The following RP1 variants were observed in gnomAD, a reference collection of about 807,000 sequenced individuals.
RP1 encodes the protein RP1 axonemal microtubule associated.
RP1 carries 16 observed loss-of-function variants against 14.8 expected under a neutral mutation model. That is an observed-to-expected ratio of 1.08 (90% CI 0.73 to 1.65). RP1 has a LOEUF of 1.65. Ranked by LOEUF, RP1 falls within the 40% of genes most tolerant of loss-of-function variation. RP1 has a pLI of 0.00. For missense variants in RP1, 2,631 were observed against 2,535.0 expected, an observed-to-expected ratio of 1.04 and a Z score of -0.81; for synonymous variants, 876 against 883.6, an observed-to-expected ratio of 0.99 and a Z score of 0.15.
intron 3 of RP1, among the ~76,000 whole-genome samples, chr8:54,648,662 A>G (rs1806596456): frequency 6.6e-6 from 1 of 152,176 alleles, no homozygotes; most frequent in Non-Finnish European, 1.5e-5. Context: ...TTTTTTGTCA[A>G]AATACTGGGA....
chr8:54,604,463 C>T (rs1289606079), intron 1 of RP1, among the ~76,000 whole-genome samples: 1 of 152,166 alleles, frequency 6.6e-6, no homozygotes, highest in Admixed American at 6.5e-5. Flanking sequence ...AGGATTTTTG[C>T]ATCGATGTTC....
Position 54,677,323 on chromosome 8 carries a change from G to A in RP1, c.1403-1138G>A, listed in dbSNP as rs181160704. Reference sequence around the variant, plus strand: ...TGATGCAGATGCATGCTAAGTTTGGGAACCACTGATCTAGGGAACTGTGAA... The same window carrying A: ...TGATGCAGATGCATGCTAAGTTTGGAAACCACTGATCTAGGGAACTGTGAA... On this transcript the variant is annotated intron_variant, in intron 8 of 22. Coordinates refer to the RP1 transcript ENST00000636932. 5.3e-5 allele frequency among the ~76,000 whole-genome samples: 8 copies of A among 152,126 alleles called. No homozygotes were observed. The East Asian group carries it at 1.5e-3, about 29-fold the overall frequency.
rs1446599645 is a variant in RP1 at position 54,630,487 on chromosome 8, C to T, written c.*134C>T. The T allele has an allele frequency of 6.8e-7, 1 of 1,477,960 alleles. No homozygotes were observed. The highest frequency in any genetic ancestry group is 1.4e-5 in the South Asian group (1 of 70,828). The allele number at this position is 1,477,960 out of a possible 1,614,324, so 91.6% of individuals were successfully genotyped here. A position where few individuals can be genotyped will look rare whatever the true frequency, so the allele number is the denominator to read the frequency against. ...AATGAACTTACTCTAGAAAGCTTAC[C>T]CTTGGATAACCAGTTTGACTTTCAT... is the stretch of plus-strand genomic sequence containing the variant. On this transcript the variant is annotated 3_prime_UTR_variant, in exon 4 of 4. Transcript: ENST00000220676.
intron 25 of RP1, among the ~76,000 whole-genome samples, chr8:54,847,580 G>T (rs1374557737): frequency 6.6e-6 from 1 of 152,236 alleles, no homozygotes; most frequent in Non-Finnish European, 1.5e-5. Flanking sequence ...TCTGAGACGA[G>T]GCCATCCAGG....
chr8:54,699,372 T>C (rs1414173559), intron 12 of RP1: 2 of 466,446 alleles, frequency 4.3e-6, no homozygotes, highest in East Asian at 6.8e-5. Flanking sequence ...AATTGAGAAG[T>C]TTAAAATATA....
At chr8:54,833,061 A>C (rs2129401663) in intron 24 of RP1, among the ~76,000 whole-genome samples, 2 of 152,124 alleles carry the variant, frequency 1.3e-5, no homozygotes, top group Middle Eastern at 3.4e-3. Context: ...TCATACCTGC[A>C]TGTGAATAGT....
rs549064356 is a variant in RP1 at position 54,665,470 on chromosome 8, T to C, written c.1323+1620T>C. Among the ~76,000 whole-genome samples the C allele has an allele frequency of 3.9e-5, 6 of 152,270 alleles. No homozygotes were observed. In the South Asian group the frequency reaches 1.0e-3, roughly 26 times the overall value. ...GTCAGTGCCCCAGAGATAGGTAAGA[T>C]AGAAGTCAGTCTCTTGAGAAGCAGC... On this transcript the variant is annotated intron_variant, in intron 7 of 22. Transcript: ENST00000636932.
intron 1 of RP1, among the ~76,000 whole-genome samples, chr8:54,609,549 C>T (rs752672039): frequency 6.6e-6 from 1 of 152,164 alleles, no homozygotes; most frequent in African/African-American, 2.4e-5. Context: ...TACTAACCAA[C>T]AGCAGGTTCT....
At chr8:54,670,459 G>A (rs7462132) in intron 7 of RP1, among the ~76,000 whole-genome samples, 39,473 of 137,014 alleles carry the variant, frequency 0.29, 7,924 homozygotes, top group Middle Eastern at 0.49. Flanking sequence ...ACATATACAC[G>A]TATACCTACA....
chr8:54,857,544 T>A (rs1812234464), intron 27 of RP1, among the ~76,000 whole-genome samples: 1 of 151,958 alleles, frequency 6.6e-6, no homozygotes, highest in Non-Finnish European at 1.5e-5. Flanking sequence ...TGTAAATTTA[T>A]GAAGTTTTGT....
At chr8:54,749,317 C>A (rs904832364) in intron 19 of RP1, among the ~76,000 whole-genome samples, 4 of 150,306 alleles carry the variant, frequency 2.7e-5, no homozygotes, top group African/African-American at 9.9e-5. Flanking sequence ...GGCAACAGAG[C>A]AAGACTCCAT....
At chr8:54,756,892 A>C (rs1809519503) in intron 21 of RP1, among the ~76,000 whole-genome samples, 1 of 152,068 alleles carries the variant, frequency 6.6e-6, no homozygotes, top group Non-Finnish European at 1.5e-5. Flanking sequence ...TCAGTTCATC[A>C]TTGTGTTTAG....
At chr8:54,655,042 T>C (rs1806727535) in intron 5 of RP1, among the ~76,000 whole-genome samples, 1 of 152,238 alleles carries the variant, frequency 6.6e-6, no homozygotes, top group Non-Finnish European at 1.5e-5. Context: ...AATTTAATAG[T>C]TAAAATAACA....
At chr8:54,605,654 T>A (rs1805417550) in intron 1 of RP1, among the ~76,000 whole-genome samples, 2 of 152,138 alleles carry the variant, frequency 1.3e-5, no homozygotes, top group Admixed American at 1.3e-4. Context: ...AAGTCTCCCA[T>A]TATTATTGTG....
At chr8:54,758,499 A>G (rs1238266446) in intron 21 of RP1, among the ~76,000 whole-genome samples, 4 of 151,996 alleles carry the variant, frequency 2.6e-5, no homozygotes, top group Non-Finnish European at 5.9e-5. Context: ...GAAGGAAGGA[A>G]GGAAAGAAAA....
upstream of RP1, among the ~76,000 whole-genome samples, chr8:54,615,666 G>A (rs1017573822): frequency 6.6e-6 from 1 of 152,146 alleles, no homozygotes; most frequent in Non-Finnish European, 1.5e-5. Flanking sequence ...CATCAATGAG[G>A]TAATAAGCAA....
chr8:54,806,303 C>G (rs969560468), intron 24 of RP1, among the ~76,000 whole-genome samples: 2 of 152,018 alleles, frequency 1.3e-5, no homozygotes, highest in Admixed American at 1.3e-4. Flanking sequence ...AAGCGTGAGC[C>G]ATTGTGTCTG....
At chr8:54,790,551 G>A (rs1234683806) in intron 24 of RP1, among the ~76,000 whole-genome samples, 3 of 137,916 alleles carry the variant, frequency 2.2e-5, no homozygotes, top group Non-Finnish European at 4.6e-5. Context: ...CTTTAAACAA[G>A]TTCAGTGAAC....
rs1811229968 is a variant in RP1 at position 54,820,509 on chromosome 8, C to G, written c.3616-16941C>G. On this transcript the variant is annotated intron_variant, in intron 24 of 28. Transcript: ENST00000637698. ...TCTGGCTGGGACTGCTCTAAATGCTCCCTTCATGGGCACAGGAAGAATTCT... is the reference window on the plus strand; with the variant it reads ...TCTGGCTGGGACTGCTCTAAATGCTGCCTTCATGGGCACAGGAAGAATTCT... Among the ~76,000 whole-genome samples the G allele has an allele frequency of 3.9e-5, 6 of 152,206 alleles. No individual in the cohort carries two copies. In the South Asian group the frequency reaches 1.2e-3, roughly 32 times the overall value.
Sources: allele counts gnomAD v4.1 joint callset (sites outside exome capture counted in the v4.1 genomes callset), GRCh38; gene constraint gnomAD v4.1.1; transcripts MANE v1.5; gene names NCBI Gene and HGNC (gene_info 2026-07-23, HGNC 2026-07-21).